The following OBI1 variants were observed in gnomAD, a reference collection of about 807,000 sequenced individuals.
OBI1 encodes the protein ring finger protein 219.
A neutral mutation model predicts 62.4 loss-of-function variants in OBI1; 59 were observed. The observed-to-expected ratio is 0.95, with a 90% CI of 0.77 to 1.17. The LOEUF is 1.17. OBI1 is among the 50% of genes most tolerant of loss of function. OBI1 has a pLI of 0.00. For missense variants in OBI1, 875 were observed against 830.9 expected, an observed-to-expected ratio of 1.05 and a Z score of -0.65; for synonymous variants, 302 against 292.8, an observed-to-expected ratio of 1.03 and a Z score of -0.32.
Position 78,638,823 on chromosome 13 carries a change from C to T in OBI1, c.549G>A (p.Glu183=), listed in dbSNP as rs748588752. 8.7e-6 allele frequency: 14 copies of T among 1,603,190 alleles called. No homozygotes were observed. The South Asian group carries it at 1.6e-4, about 18-fold the overall frequency. ...TAGATTTTTAAAAACCACAACTTAC[C>T]TCCTTTAGCTTATCCACATCATCTT... The part of the protein sequence containing the change: ...KVKDDVDKLK[E]ANKKLKLENG... The change falls in exon 4 of 6, where the codon GAG becomes GAA. Residue 183 remains glutamate (E), a splice_region_variant and synonymous_variant. Transcript: ENST00000282003.
chr13:78,645,605 T>C (rs943288453), intron 1 of OBI1, among the ~76,000 whole-genome samples: 1 of 152,196 alleles, frequency 6.6e-6, no homozygotes, highest in Non-Finnish European at 1.5e-5. Flanking sequence ...CACAAATCTT[T>C]GACTCCAGGC....
intron 5 of OBI1, among the ~76,000 whole-genome samples, chr13:78,618,717 A>C (rs571067910): frequency 6.6e-6 from 1 of 152,288 alleles, no homozygotes; most frequent in African/African-American, 2.4e-5. Context: ...CACAGCAAAA[A>C]CCACAGGTAT....
chr13:78,620,804 A>G (rs1217187958), intron 5 of OBI1: 1 of 353,690 alleles, frequency 2.8e-6, no homozygotes. Context: ...TATCACACAG[A>G]AAAACAGGAC....
At chr13:78,640,910 A>C (rs1439230058) in intron 3 of OBI1, among the ~76,000 whole-genome samples, 1 of 152,190 alleles carries the variant, frequency 6.6e-6, no homozygotes, top group Non-Finnish European at 1.5e-5. Context: ...TTCCAGAATA[A>C]TATCTGTAGT....
At chr13:78,619,301 T>TA (rs1420587330) in intron 5 of OBI1, among the ~76,000 whole-genome samples, 19 of 151,104 alleles carry the variant, frequency 1.3e-4, no homozygotes, top group African/African-American at 4.6e-4. Context: ...CATCTTAAGA[T>TA]ACTGTATTTG....
chr13:78,635,305 C>G, intron 4 of OBI1, 107 bp from the exon 5 acceptor site: 1 of 668,024 alleles, frequency 1.5e-6, no homozygotes, highest in Non-Finnish European at 2.6e-6. Flanking sequence ...TATCAGAAAA[C>G]TGAATAGTAG....
At chr13:78,619,401 T>G (rs764279784) in intron 5 of OBI1, among the ~76,000 whole-genome samples, 21 of 151,824 alleles carry the variant, frequency 1.4e-4, no homozygotes, top group Non-Finnish European at 1.0e-4. Context: ...ATGAGAGCCC[T>G]AAACATAATT....
chr13:78,627,363 T>C (rs1053184008), intron 5 of OBI1, among the ~76,000 whole-genome samples: 31 of 147,610 alleles, frequency 2.1e-4, no homozygotes, highest in African/African-American at 6.8e-4. Context: ...GTTTATTACA[T>C]AGGTATACGT....
intron 2 of OBI1, 81 bp from the exon 3 acceptor site, chr13:78,642,294 T>C (rs1566283991): frequency 2.2e-6 from 2 of 894,052 alleles, no homozygotes. Flanking sequence ...TATTGTTTTA[T>C]ATAGCTTCCC....
At chr13:78,621,972 A>G (rs1160985180) in intron 5 of OBI1, among the ~76,000 whole-genome samples, 1 of 152,200 alleles carries the variant, frequency 6.6e-6, no homozygotes, top group Non-Finnish European at 1.5e-5. Context: ...AGTTTTTCAC[A>G]AAAAAACCAC....
At chr13:78,633,559 A>G (rs1015037838) in intron 5 of OBI1, among the ~76,000 whole-genome samples, 2 of 152,180 alleles carry the variant, frequency 1.3e-5, no homozygotes, top group Non-Finnish European at 2.9e-5. Context: ...TGGTGTTCTC[A>G]TGTGCCATCC....
Position 78,656,504 on chromosome 13 carries a change from C to T in OBI1, c.72+2545G>A, listed in dbSNP as rs569977399. Among the ~76,000 whole-genome samples the T allele has an allele frequency of 1.1e-4, 17 of 152,064 alleles. No homozygotes were observed. The East Asian group carries it at 3.3e-3, about 30-fold the overall frequency. On this transcript the variant is annotated intron_variant, in intron 1 of 5. Coordinates refer to ENST00000282003, the MANE Select transcript of OBI1 (RefSeq NM_024546.4). ...GGCTGAGGCAGGAGAATTGCTTGAA[C>T]CCGGGAGGCGGAGGTTGCGGTGAGC...
At chr13:78,631,362 G>A (rs1312235534) in intron 5 of OBI1, among the ~76,000 whole-genome samples, 1 of 152,154 alleles carries the variant, frequency 6.6e-6, no homozygotes, top group African/African-American at 2.4e-5. Context: ...AGAAATCACA[G>A]CAAGGGAACC....
Position 78,616,973 on chromosome 13 carries a change from T to C in OBI1, c.788A>G (p.Glu263Gly). 3.1e-6 allele frequency: 5 copies of C among 1,614,224 alleles called. No homozygotes were observed. Among genetic ancestry groups the C allele is most frequent in the Non-Finnish European group, 4.2e-6 (5 of 1,180,036 alleles). Residue 263 changes from glutamate to glycine, a missense_variant, in exon 6 of 6, where the codon GAG becomes GGG. By Grantham distance (98) the Glu-to-Gly change is moderately conservative. Transcript: ENST00000282003. ...GCAAATGGAATTCATAGCTTCTTTC[T>C]CTTCACTTGAATTTTTTAGCTGTGC... ...QVAQLKNSSE[E>G]KEAMNSICQT...
rs116085481 is a variant in OBI1 at position 78,640,139 on chromosome 13, A to G, written c.301-1068T>C. 7.9e-3 allele frequency among the ~76,000 whole-genome samples: 1,207 copies of G among 151,888 alleles called. 12 individuals carry two copies. Among genetic ancestry groups the G allele is most frequent in the South Asian group, 0.034 (161 of 4,804 alleles). Reference sequence around the variant, plus strand: ...CAAAAAAACAAAAAACTTGAGGCATACTCAACTGCTTTACTGAGGGGAATT... The same window carrying G: ...CAAAAAAACAAAAAACTTGAGGCATGCTCAACTGCTTTACTGAGGGGAATT... On this transcript the variant is annotated intron_variant, in intron 3 of 5. Coordinates refer to ENST00000282003, the MANE Select transcript of OBI1 (RefSeq NM_024546.4).
intron 5 of OBI1, among the ~76,000 whole-genome samples, chr13:78,625,553 ATCTC>A (rs1451581069): frequency 2.0e-5 from 3 of 152,176 alleles, no homozygotes; most frequent in South Asian, 2.1e-4. Context: ...ACAGTTCATA[ATCTC>A]TCTGACAACC....
At chr13:78,643,187 A>AT (rs1286067720) in intron 2 of OBI1, among the ~76,000 whole-genome samples, 1 of 152,248 alleles carries the variant, frequency 6.6e-6, no homozygotes, top group Non-Finnish European at 1.5e-5. Context: ...AATTTATGAA[A>AT]TATCACTTAG....
At chr13:78,655,892 A>AT (rs1473041731) in intron 1 of OBI1, among the ~76,000 whole-genome samples, 1 of 152,246 alleles carries the variant, frequency 6.6e-6, no homozygotes, top group Non-Finnish European at 1.5e-5. Flanking sequence ...ATCTCACAGT[A>AT]TAATACGTGT....
intron 5 of OBI1, among the ~76,000 whole-genome samples, chr13:78,626,668 A>G (rs540774101): frequency 5.3e-5 from 8 of 152,368 alleles, no homozygotes; most frequent in African/African-American, 7.2e-5. Context: ...TGTGGGCCCA[A>G]TGAGAAATTC....
Sources: allele counts gnomAD v4.1 joint callset (sites outside exome capture counted in the v4.1 genomes callset), GRCh38; gene constraint gnomAD v4.1.1; transcripts MANE v1.5; gene names NCBI Gene and HGNC (gene_info 2026-07-23, HGNC 2026-07-21).